Variants in LDLRAD3 observed in about 807,000 individuals in gnomAD.
LDLRAD3 encodes low density lipoprotein receptor class A domain containing 3.
In LDLRAD3, 20 loss-of-function variants were observed where a neutral mutation model predicts 29.4. The ratio of observed to expected loss-of-function variants is 0.68; its 90% confidence interval spans 0.48 to 0.99. LDLRAD3 has a LOEUF of 0.99. Ranked by LOEUF, LDLRAD3 falls within the 50% of genes least tolerant of loss-of-function variation. The pLI is 0.00. For synonymous variants in LDLRAD3, 157 were observed against 192.7 expected, an observed-to-expected ratio of 0.81 and a Z score of 1.53; for missense variants, 420 against 454.3, an observed-to-expected ratio of 0.92 and a Z score of 0.69.
At chr11:35,963,851 C>G (rs1851307798) in intron 1 of LDLRAD3, among the ~76,000 whole-genome samples, 1 of 152,110 alleles carries the variant, frequency 6.6e-6, no homozygotes, top group Non-Finnish European at 1.5e-5. Flanking sequence ...TTCCCCTGAC[C>G]TTAAGTAATG....
intron 4 of LDLRAD3, among the ~76,000 whole-genome samples, chr11:36,116,507 C>T (rs1853676465): frequency 6.6e-6 from 1 of 152,076 alleles, no homozygotes; most frequent in Non-Finnish European, 1.5e-5. Flanking sequence ...CAATTGTGTT[C>T]AGAGAAACTG....
At chr11:35,994,576 G>T (rs190500136) in intron 1 of LDLRAD3, among the ~76,000 whole-genome samples, 2 of 152,126 alleles carry the variant, frequency 1.3e-5, no homozygotes, top group Admixed American at 6.5e-5. Context: ...GAAGGTTGGG[G>T]TGGCTGTGGC....
intron 4 of LDLRAD3, among the ~76,000 whole-genome samples, chr11:36,145,924 A>G (rs1854185686): frequency 6.6e-6 from 1 of 151,458 alleles, no homozygotes; most frequent in East Asian, 1.9e-4. Flanking sequence ...TCACTTGTTT[A>G]TCTGCTGACC....
At chr11:36,127,719 G>A (rs142738657) in intron 4 of LDLRAD3, among the ~76,000 whole-genome samples, 19 of 152,208 alleles carry the variant, frequency 1.2e-4, no homozygotes, top group Admixed American at 7.2e-4. Flanking sequence ...TATGTCATTT[G>A]CTCCTCAAAT....
intron 3 of LDLRAD3, among the ~76,000 whole-genome samples, chr11:36,088,321 G>A (rs1400396906): frequency 6.6e-6 from 1 of 152,090 alleles, no homozygotes; most frequent in East Asian, 1.9e-4. Flanking sequence ...TCTCACCCCA[G>A]TCCTCATTCA....
intron 2 of LDLRAD3, among the ~76,000 whole-genome samples, chr11:36,061,428 A>G (rs1852697640): frequency 6.6e-6 from 1 of 152,206 alleles, no homozygotes; most frequent in Admixed American, 6.5e-5. Context: ...GGTGTGAGCC[A>G]CTGTGCCTGG....
At chr11:35,958,682 A>ATT (rs1417247933) in intron 1 of LDLRAD3, among the ~76,000 whole-genome samples, 7 of 151,804 alleles carry the variant, frequency 4.6e-5, no homozygotes, top group Non-Finnish European at 1.0e-4. Context: ...TTTTCTTCCA[A>ATT]TTTCTTCAGT....
intron 1 of LDLRAD3, among the ~76,000 whole-genome samples, chr11:36,014,198 G>C (rs1328146136): frequency 6.6e-6 from 1 of 152,198 alleles, no homozygotes; most frequent in Non-Finnish European, 1.5e-5. Context: ...TGGGGTTGGA[G>C]AGGTGTCTGG....
chr11:36,159,221 A>G (rs1297745527), intron 4 of LDLRAD3, among the ~76,000 whole-genome samples: 1 of 152,170 alleles, frequency 6.6e-6, no homozygotes, highest in Non-Finnish European at 1.5e-5. Context: ...TAATCCCAGC[A>G]CTTAGGACAC....
intron 1 of LDLRAD3, among the ~76,000 whole-genome samples, chr11:35,993,198 G>A (rs1851710780): frequency 6.6e-6 from 1 of 152,150 alleles, no homozygotes; most frequent in Non-Finnish European, 1.5e-5. Flanking sequence ...GTTGGGTAGT[G>A]TTTAAAAACA....
At chr11:36,007,392 A>G (rs1218975371) in intron 1 of LDLRAD3, among the ~76,000 whole-genome samples, 2 of 152,162 alleles carry the variant, frequency 1.3e-5, no homozygotes, top group African/African-American at 4.8e-5. Flanking sequence ...AGGATTGAGT[A>G]ACTGGAGAGA....
At chr11:36,054,978 GATGGATGGATGGATGGATGGATGC>G (rs1565189428) in intron 2 of LDLRAD3, among the ~76,000 whole-genome samples, 1 of 123,544 alleles carries the variant, frequency 8.1e-6, no homozygotes, top group Non-Finnish European at 1.6e-5. Flanking sequence ...TGCATGGATG[GATGGATGGATGGATGGATGGATGC>G]ATGGATGGAT....
chr11:36,104,996 T>A (rs1853506073), intron 4 of LDLRAD3, among the ~76,000 whole-genome samples: 2 of 152,102 alleles, frequency 1.3e-5, no homozygotes, highest in Non-Finnish European at 2.9e-5. Context: ...CTGTCCACCT[T>A]CCCTCCTCCT....
At chr11:35,951,079 C>T (rs112235452) in intron 1 of LDLRAD3, among the ~76,000 whole-genome samples, 1 of 151,730 alleles carries the variant, frequency 6.6e-6, no homozygotes, top group Admixed American at 6.6e-5. Flanking sequence ...GAGACTCTGT[C>T]TCAAAAAATA....
intron 4 of LDLRAD3, among the ~76,000 whole-genome samples, chr11:36,128,627 T>C (rs1030196101): frequency 6.6e-6 from 1 of 152,054 alleles, no homozygotes; most frequent in Non-Finnish European, 1.5e-5. Context: ...AGTGGGTAGA[T>C]TGCCTGAGGT....
At chr11:36,041,685 G>A (rs976987281) in intron 2 of LDLRAD3, among the ~76,000 whole-genome samples, 2 of 152,192 alleles carry the variant, frequency 1.3e-5, no homozygotes, top group African/African-American at 4.8e-5. Context: ...AGAGCCTTAA[G>A]ATCTTTTTCC....
chr11:36,009,396 C>G (rs1452267200), intron 1 of LDLRAD3, among the ~76,000 whole-genome samples: 1 of 152,186 alleles, frequency 6.6e-6, no homozygotes, highest in Non-Finnish European at 1.5e-5. Flanking sequence ...GGTTGTCTAT[C>G]CTGGTCACCT....
intron 4 of LDLRAD3, among the ~76,000 whole-genome samples, chr11:36,128,963 C>T (rs1288089069): frequency 6.6e-6 from 1 of 152,036 alleles, no homozygotes; most frequent in Admixed American, 6.6e-5. Flanking sequence ...CCTTTGTAGT[C>T]TACATGAGGG....
intron 4 of LDLRAD3, among the ~76,000 whole-genome samples, chr11:36,155,748 C>A (rs1854340338): frequency 6.6e-6 from 1 of 152,178 alleles, no homozygotes; most frequent in African/African-American, 2.4e-5. Context: ...CCCTGTTATT[C>A]CCAGGGGTAC....
Sources: allele counts gnomAD v4.1 joint callset (sites outside exome capture counted in the v4.1 genomes callset), GRCh38; gene constraint gnomAD v4.1.1; transcripts MANE v1.5; gene names NCBI Gene and HGNC (gene_info 2026-07-23, HGNC 2026-07-21).